PLPP3: variants seen among roughly 807,000 people sequenced by gnomAD.
The protein encoded by PLPP3 is phospholipid phosphatase 3.
In PLPP3, 6 loss-of-function variants were observed where a neutral mutation model predicts 29.6. The ratio of observed to expected loss-of-function variants is 0.20; its 90% CI spans 0.11 to 0.40. The LOEUF is 0.40. Ranked by LOEUF, PLPP3 falls within the 10% of genes least tolerant of loss-of-function variation. The pLI is 1.00. For synonymous variants in PLPP3, 152 were observed against 159.7 expected, an observed-to-expected ratio of 0.95 and a Z score of 0.36; for missense variants, 308 against 407.7, an observed-to-expected ratio of 0.76 and a Z score of 2.11.
chr1:56,557,948 T>G (rs1646096398), intron 1 of PLPP3, among the ~76,000 whole-genome samples: 1 of 152,208 alleles, frequency 6.6e-6, no homozygotes, highest in Non-Finnish European at 1.5e-5. Flanking sequence ...TTGGGCTCTC[T>G]TTCCAAATCA....
chr1:56,552,281 T>C (rs889439597), intron 1 of PLPP3, among the ~76,000 whole-genome samples: 1 of 151,162 alleles, frequency 6.6e-6, no homozygotes, highest in Admixed American at 6.6e-5. Flanking sequence ...TTCCGGGCCC[T>C]GCCCAGATCT....
chr1:56,536,917 T>G, intron 2 of PLPP3, 38 bp downstream of exon 2: 5 of 1,607,258 alleles, frequency 3.1e-6, no homozygotes, highest in Non-Finnish European at 4.3e-6. Flanking sequence ...CAGGAAGAAG[T>G]CAGACAGGAT....
At position 56,524,396 on chromosome 1, in the gene PLPP3, C is replaced by T. The variant is rs755645709; in HGVS notation, c.456G>A (p.Gly152=). 2 of 1,614,080 alleles carry T rather than the reference C, an allele frequency of 1.2e-6. No homozygotes were observed. The highest frequency in any genetic ancestry group is 2.2e-5 in the East Asian group (1 of 44,870). The change falls in exon 3 of 6, where the codon GGG becomes GGA. Residue 152 remains glycine (G), a synonymous_variant. Coordinates refer to ENST00000371250, the MANE Select transcript of PLPP3 (RefSeq NM_003713.5). This position sits in a 1 kb window ranked among gnomAD's most constrained non-coding sequence, Gnocchi z 4.3. The stretch of plus-strand genomic sequence containing the variant: ...CACTCAAGAAGTGAGGACGCAGGCG[C>T]CCTATGGACACTTTGGCAATGTCTG... The part of the protein sequence containing the change: ...SFTDIAKVSI[G]RLRPHFLSVC...
chr1:56,547,738 C>T (rs1026282850), intron 1 of PLPP3, among the ~76,000 whole-genome samples: 1 of 152,186 alleles, frequency 6.6e-6, no homozygotes, highest in Admixed American at 6.5e-5. Context: ...CAGCACACCC[C>T]TAACCCATTT....
Position 56,579,362 on chromosome 1 carries a change from G to A in PLPP3, c.-346C>T, listed in dbSNP as rs1178159074. 2 of 277,238 alleles carry A rather than the reference G, an allele frequency of 7.2e-6. No homozygotes were observed. The highest frequency in any genetic ancestry group is 1.4e-5 in the Non-Finnish European group (2 of 147,288). The allele number at this position is 277,238 out of a possible 1,614,324, so 17.2% of individuals were successfully genotyped here. A position where few individuals can be genotyped will look rare whatever the true frequency, so the allele number is the denominator to read the frequency against. ...TCTGAGTGCGCGAGCGAGCGAGTGG[G>A]CAGCGCGGGCGCTCGGCCACCTTCC... On this transcript the variant is annotated 5_prime_UTR_variant, in exon 1 of 6. Transcript: ENST00000371250.
rs188161759 is a variant in PLPP3 at position 56,557,646 on chromosome 1, G to A, written c.140-20534C>T. 1.4e-3 allele frequency among the ~76,000 whole-genome samples: 214 copies of A among 152,224 alleles called. 1 individual carries two copies. The highest frequency in any genetic ancestry group is 5.0e-3 in the African/African-American group (209 of 41,534). ...TCAGGTCAGACATCTTTACTAGAAT[G>A]GTTATGTGTATGTACCTCCATGGAT... On this transcript the variant is annotated intron_variant, in intron 1 of 5. Transcript: ENST00000371250.
chr1:56,535,562 A>G (rs1163613571), intron 2 of PLPP3, among the ~76,000 whole-genome samples: 1 of 152,150 alleles, frequency 6.6e-6, no homozygotes, highest in Middle Eastern at 3.2e-3. Context: ...AAATATCAAC[A>G]TAACACAAGG....
Position 56,579,125 on chromosome 1 carries a change from C to T in PLPP3, c.-109G>A, listed in dbSNP as rs1646259270. On this transcript the variant is annotated 5_prime_UTR_variant, in exon 1 of 6. Coordinates refer to ENST00000371250, the MANE Select transcript of PLPP3 (RefSeq NM_003713.5). The stretch of plus-strand genomic sequence containing the variant: ...TGGCCGAGGCTGCTGCGGATAGTGG[C>T]GGGTCGGCCCCGGCTCCGGGCGCGG... 2.1e-6 allele frequency: 3 copies of T among 1,442,646 alleles called. No homozygotes were observed. Among genetic ancestry groups the T allele is most frequent in the East Asian group, 5.4e-5 (2 of 36,832 alleles). 89.4% of individuals were successfully genotyped at this position (1,442,646 alleles called of 1,614,324 possible).
chr1:56,499,417 T>C (rs1195582057), intron 5 of PLPP3, among the ~76,000 whole-genome samples: 1 of 152,162 alleles, frequency 6.6e-6, no homozygotes, highest in African/African-American at 2.4e-5. Context: ...TGGAATCCTA[T>C]CCCTAATCAC....
chr1:56,514,880 A>G (rs1471148028), intron 4 of PLPP3, among the ~76,000 whole-genome samples: 1 of 152,110 alleles, frequency 6.6e-6, no homozygotes, highest in African/African-American at 2.4e-5. Context: ...GCCAAAGACT[A>G]CTCCCTTAAT....
intron 5 of PLPP3, among the ~76,000 whole-genome samples, chr1:56,498,388 G>C (rs561406324): frequency 6.6e-6 from 1 of 152,150 alleles, no homozygotes; most frequent in South Asian, 2.1e-4. Flanking sequence ...AAACAGACTC[G>C]ATTAAAGTTC....
At position 56,498,433 on chromosome 1, in the gene PLPP3, C is replaced by T. The variant is rs541746018; in HGVS notation, c.811-1757G>A. Among the ~76,000 whole-genome samples, 88 of 150,042 alleles carry T rather than the reference C, an allele frequency of 5.9e-4. 3 individuals are homozygous for T. In the South Asian group the frequency reaches 0.018, roughly 30 times the overall value. On this transcript the variant is annotated intron_variant, in intron 5 of 5. Coordinates refer to ENST00000371250, the MANE Select transcript of PLPP3 (RefSeq NM_003713.5). ...ATAATTAAACTTTTCAACTCTTCTC[C>T]GCCCCAGGCCCAGCCCCAGCCCCAG...
Position 56,557,028 on chromosome 1 carries a change from G to GAGAA in PLPP3, c.140-19917_140-19916insTTCT, listed in dbSNP as rs1553139349. 6.0e-4 allele frequency among the ~76,000 whole-genome samples: 7 copies of GAGAA among 11,730 alleles called. 1 individual carries two copies. Among genetic ancestry groups the GAGAA allele is most frequent in the African/African-American group, 1.2e-3 (6 of 4,860 alleles). 7.7% of individuals were successfully genotyped at this position (11,730 alleles called of 152,430 possible). The stretch of plus-strand genomic sequence containing the variant: ...AAAGAAAGAGAGAGAGAGAGAGAAA[G>GAGAA]AGAGAGAGAGAGAGAGAGAGAGAGA... On this transcript the variant is annotated intron_variant, in intron 1 of 5. Coordinates refer to ENST00000371250, the MANE Select transcript of PLPP3 (RefSeq NM_003713.5).
intron 1 of PLPP3, among the ~76,000 whole-genome samples, chr1:56,550,139 C>A (rs527684331): frequency 6.6e-6 from 1 of 152,300 alleles, no homozygotes; most frequent in African/African-American, 2.4e-5. Context: ...GAGCCACTCA[C>A]AAACTGGGCA....
chr1:56,568,492 C>A (rs1182490819), intron 1 of PLPP3, among the ~76,000 whole-genome samples: 1 of 152,198 alleles, frequency 6.6e-6, no homozygotes, highest in African/African-American at 2.4e-5. Context: ...TAAGGCTATG[C>A]ACATAAAAAA....
At chr1:56,553,507 ACAC>A (rs1646054579) in intron 1 of PLPP3, among the ~76,000 whole-genome samples, 1 of 152,168 alleles carries the variant, frequency 6.6e-6, no homozygotes, top group Admixed American at 6.5e-5. Context: ...TACAGCCATG[ACAC>A]CACACCAGGT....
intron 1 of PLPP3, among the ~76,000 whole-genome samples, chr1:56,574,887 TAGA>T (rs1646225384): frequency 6.6e-6 from 1 of 152,204 alleles, no homozygotes; most frequent in African/African-American, 2.4e-5. Flanking sequence ...TTGTTACAGC[TAGA>T]AGGACACTGA....
intron 1 of PLPP3, among the ~76,000 whole-genome samples, chr1:56,569,362 C>A (rs539831226): frequency 6.6e-6 from 1 of 151,454 alleles, no homozygotes; most frequent in Non-Finnish European, 1.5e-5. Context: ...TTGTTAGAGA[C>A]GGGGTTTCAC....
At chr1:56,561,351 T>C (rs549924967) in intron 1 of PLPP3, among the ~76,000 whole-genome samples, 2 of 152,222 alleles carry the variant, frequency 1.3e-5, no homozygotes, top group South Asian at 4.2e-4. Context: ...GTTAGTTACA[T>C]ATTCTCAATT....
Sources: allele counts gnomAD v4.1 joint callset (sites outside exome capture counted in the v4.1 genomes callset), GRCh38; gene constraint gnomAD v4.1.1; non-coding constraint Gnocchi (gnomAD v3.1); transcripts MANE v1.5; gene names NCBI Gene and HGNC (gene_info 2026-07-23, HGNC 2026-07-21).